The following KMT5B variants were observed in gnomAD, a reference collection of about 807,000 sequenced individuals.
KMT5B encodes the protein lysine methyltransferase 5B.
KMT5B carries 10 observed loss-of-function variants against 83.2 expected under a neutral mutation model. The ratio of observed to expected loss-of-function variants is 0.12; its 90% CI spans 0.07 to 0.20. KMT5B has a LOEUF of 0.20. Among genes scored for constraint, KMT5B ranks in the 10% least tolerant of loss-of-function variants. KMT5B has a pLI of 1.00. For missense variants in KMT5B, 753 were observed against 1,067.2 expected, an observed-to-expected ratio of 0.71 and a Z score of 4.10; for synonymous variants, 349 against 388.8, an observed-to-expected ratio of 0.90 and a Z score of 1.20.
chr11:68,182,735 A>AT (rs1013344475), intron 3 of KMT5B, among the ~76,000 whole-genome samples: 5,262 of 139,176 alleles, frequency 0.038, 101 homozygotes, highest in Non-Finnish European at 0.047. Flanking sequence ...TTTCATTGTA[A>AT]TTTTTTTTTT....
intron 1 of KMT5B, among the ~76,000 whole-genome samples, chr11:68,193,434 T>C (rs1430574296): frequency 6.6e-6 from 1 of 152,176 alleles, no homozygotes. Flanking sequence ...TCAGGTCTCT[T>C]TCATGTTACA....
chr11:68,185,008 TTAAA>T (rs769149044), intron 3 of KMT5B, among the ~76,000 whole-genome samples: 28 of 152,336 alleles, frequency 1.8e-4, no homozygotes, highest in Non-Finnish European at 2.1e-4. Flanking sequence ...CTATTCGCTC[TTAAA>T]TAATTAGCTG....
chr11:68,155,363 A>G lies in KMT5B; in HGVS notation c.*2325T>C, dbSNP rs1181935659. 6.6e-6 allele frequency: 1 copy of G among 152,112 alleles called. No individual in the cohort carries two copies. Among genetic ancestry groups the G allele is most frequent in the Non-Finnish European group, 1.5e-5 (1 of 68,018 alleles). 9.4% of individuals were successfully genotyped at this position (152,112 alleles called of 1,614,324 possible). A position where few individuals can be genotyped will look rare whatever the true frequency, so the allele number is the denominator to read the frequency against. ...GCATACCGACTCCTGAGAGGCAGTG[A>G]TTTACTACCAAATGTCACTGCTTTG... On this transcript the variant is annotated 3_prime_UTR_variant, in exon 11 of 11. Transcript: ENST00000304363.
intron 10 of KMT5B, chr11:68,164,816 C>T (rs1480685151): frequency 2.2e-6 from 1 of 447,188 alleles, no homozygotes; most frequent in Non-Finnish European, 4.5e-6. Context: ...CCTGTGCCTC[C>T]AGTTTGTTCT....
At chr11:68,212,066 C>A (rs1464146007) in intron 1 of KMT5B, among the ~76,000 whole-genome samples, 1 of 151,852 alleles carries the variant, frequency 6.6e-6, no homozygotes, top group African/African-American at 2.4e-5. Context: ...TGGTTTCCTC[C>A]TCTTTTGAAA....
In KMT5B at chr11:68,158,620, CACT is replaced by C. The variant is rs373030307; in HGVS notation, c.1723_1725del (p.Ser575del). Reference sequence around the variant, plus strand: ...ACAGGAGCTGGCTGCAGCTGTTCACCACTGTCGGGGCAAGGTTCCGTCACACTG... The same window carrying C: ...ACAGGAGCTGGCTGCAGCTGTTCACCGTCGGGGCAAGGTTCCGTCACACTG... On this transcript the variant is annotated inframe_deletion, in exon 11 of 11. Transcript: ENST00000304363. 5.6e-4 allele frequency: 909 copies of C among 1,614,198 alleles called. 15 individuals are homozygous for C. The South Asian group carries it at 9.6e-3, about 17-fold the overall frequency.
At chr11:68,189,698 C>A in intron 2 of KMT5B, 1 of 388,000 alleles carries the variant, frequency 2.6e-6, no homozygotes, top group Non-Finnish European at 4.5e-6. Flanking sequence ...GACAGAAAAG[C>A]ATGATTAAAA....
At chr11:68,196,345 T>C (rs1858705752) in intron 1 of KMT5B, among the ~76,000 whole-genome samples, 1 of 151,424 alleles carries the variant, frequency 6.6e-6, no homozygotes, top group African/African-American at 2.4e-5. Flanking sequence ...AGTTATATAC[T>C]TATGCTATAA....
rs765088696 is a variant in KMT5B, at chr11:68,158,762, C to T, written c.1584G>A (p.Gln528=). 27 of 1,614,090 alleles carry T rather than the reference C, an allele frequency of 1.7e-5. No individual in the cohort carries two copies. The highest frequency in any genetic ancestry group is 2.3e-5 in the Non-Finnish European group (27 of 1,180,048). The change falls in exon 11 of 11, where the codon CAG becomes CAA. Residue 528 remains glutamine, a synonymous_variant. Transcript: ENST00000304363. ...TGTAGGTGCAGGGCGAGCTCTCCCC[C>T]TGCGAATGAGCACCTCTCACAGGAT... ...RQNPVRGAHS[Q]GESSPCTYIT...
chr11:68,158,799 T>C lies in KMT5B; in HGVS notation c.1547A>G (p.Glu516Gly), dbSNP rs1859500095. The change falls in exon 11 of 11, where the codon GAA (glutamate) becomes GGA (glycine). Residue 516 changes from glutamate (E) to glycine (G), a missense_variant. Around this residue, in one of 9 missense-constraint regions of KMT5B, gnomAD observed 397 missense variants for 395.9 expected, o/e 1.00. Transcript: ENST00000304363. Reference sequence around the variant, plus strand: ...ACCTCTCACAGGATTCTGTCTGTGTTCTCTCGCCGCGTGTCTAGTCAAGCA... The same window carrying C: ...ACCTCTCACAGGATTCTGTCTGTGTCCTCTCGCCGCGTGTCTAGTCAAGCA... ...SGCLTRHAAR[E>G]HRQNPVRGAH... 5.0e-6 allele frequency: 8 copies of C among 1,614,170 alleles called. No individual in the cohort carries two copies. The highest frequency in any genetic ancestry group is 5.9e-6 in the Non-Finnish European group (7 of 1,180,022).
intron 1 of KMT5B, among the ~76,000 whole-genome samples, chr11:68,197,470 G>C (rs1157952609): frequency 1.3e-5 from 2 of 152,094 alleles, no homozygotes; most frequent in Non-Finnish European, 2.9e-5. Flanking sequence ...AAAAATTATG[G>C]AATAAAAAAT....
intron 1 of KMT5B, among the ~76,000 whole-genome samples, chr11:68,205,850 G>A (rs1353860339): frequency 2.0e-5 from 3 of 152,030 alleles, no homozygotes; most frequent in African/African-American, 7.2e-5. Context: ...TCAATCTCCT[G>A]ACCTCGAGAT....
intron 10 of KMT5B, chr11:68,165,989 C>T (rs746941414): frequency 6.2e-7 from 1 of 1,612,648 alleles, no homozygotes; most frequent in Non-Finnish European, 8.5e-7. Flanking sequence ...CTGAAAACAT[C>T]TGAAAGTAGG....
intron 1 of KMT5B, among the ~76,000 whole-genome samples, chr11:68,195,987 T>A (rs576443075): frequency 6.6e-6 from 1 of 152,130 alleles, no homozygotes; most frequent in Admixed American, 6.6e-5. Flanking sequence ...TGAAACCCCG[T>A]CTCTACCAAA....
intron 10 of KMT5B, among the ~76,000 whole-genome samples, chr11:68,163,441 G>A (rs1855030393): frequency 6.6e-6 from 1 of 152,150 alleles, no homozygotes; most frequent in Non-Finnish European, 1.5e-5. Context: ...TATGGTGTTG[G>A]CCTCAACTTA....
chr11:68,158,992 T>C lies in KMT5B; in HGVS notation c.1354A>G (p.Ile452Val), dbSNP rs1297826375. 3 of 1,611,570 alleles carry C rather than the reference T, an allele frequency of 1.9e-6. No homozygotes were observed. Among genetic ancestry groups the C allele is most frequent in the East Asian group, 4.5e-5 (2 of 44,892 alleles). Residue 452 changes from isoleucine to valine, a missense_variant, in exon 11 of 11, where the codon ATA (isoleucine) becomes GTA (valine). Around this residue, in one of 9 missense-constraint regions of KMT5B, gnomAD observed 397 missense variants for 395.9 expected, o/e 1.00. Coordinates refer to ENST00000304363, the MANE Select transcript of KMT5B (RefSeq NM_017635.5). Reference protein sequence around the residue: ...KKPAKPLLSKIKLRNHCKRLE... With the variant: ...KKPAKPLLSKVKLRNHCKRLE... ...CGCTTGCAATGATTTCTCAATTTTA[T>C]CTTTGAAAGTAAAGGCTTTGCAGGC... is the stretch of plus-strand genomic sequence containing the variant.
chr11:68,211,109 G>C (rs567091330), intron 1 of KMT5B, among the ~76,000 whole-genome samples: 1 of 152,116 alleles, frequency 6.6e-6, no homozygotes, highest in East Asian at 1.9e-4. Context: ...AGGAAAATCA[G>C]ATTCAACCTC....
intron 9 of KMT5B, among the ~76,000 whole-genome samples, chr11:68,170,326 T>C (rs2153051227): frequency 6.6e-6 from 1 of 152,278 alleles, no homozygotes; most frequent in African/African-American, 2.4e-5. Context: ...CCTGGCACAG[T>C]GCAAGATGTG....
chr11:68,200,963 G>A (rs1056506278), intron 1 of KMT5B, among the ~76,000 whole-genome samples: 1 of 152,116 alleles, frequency 6.6e-6, no homozygotes, highest in African/African-American at 2.4e-5. Context: ...ATCAACACAT[G>A]GGAAAAGAAG....
Sources: gnomAD v4.1 joint callset for allele counts (sites outside exome capture counted in the v4.1 genomes callset) on GRCh38, gnomAD v4.1.1 for gene constraint, gnomAD v4.1.1 regional missense constraint, MANE v1.5 for transcripts, NCBI Gene and HGNC (gene_info 2026-07-23, HGNC 2026-07-21) for gene names.